The following EML6 variants were observed in gnomAD, a reference collection of about 807,000 sequenced individuals.
The protein encoded by EML6 is EMAP like 6.
A neutral mutation model predicts 240.1 loss-of-function variants in EML6; 154 were observed. The observed-to-expected ratio is 0.64, with a 90% CI of 0.56 to 0.73. The LOEUF (loss-of-function observed/expected upper bound fraction) is 0.73, where lower values mean the gene tolerates loss of function less well. Ranked by LOEUF, EML6 falls within the 30% of genes least tolerant of loss-of-function variation. The pLI, the probability that EML6 is intolerant of heterozygous loss-of-function variation, is 0.00. For missense variants in EML6, 2,964 were observed against 2,474.6 expected, an observed-to-expected ratio of 1.20 and a Z score of -4.20; for synonymous variants, 1,148 against 899.0, an observed-to-expected ratio of 1.28 and a Z score of -4.95.
intron 2 of EML6, among the ~76,000 whole-genome samples, chr2:54,753,573 G>T (rs1684266888): frequency 6.6e-6 from 1 of 151,862 alleles, no homozygotes; most frequent in South Asian, 2.1e-4. Context: ...TGCTAGCCAA[G>T]AAATGTGGGC....
rs74355273 is a variant in EML6, at chr2:54,879,542, T to C, written c.2345-5T>C. The C allele has an allele frequency of 6.5e-7, 1 of 1,547,274 alleles. No individual in the cohort carries two copies. Among genetic ancestry groups the C allele is most frequent in the Non-Finnish European group, 8.7e-7 (1 of 1,143,110 alleles). Reference sequence around the variant, plus strand: ...AATTTTGACATTTGTGTTGTTTTCATACAGCCGATGGAAAATGTCTGGTGT... The same window carrying C: ...AATTTTGACATTTGTGTTGTTTTCACACAGCCGATGGAAAATGTCTGGTGT... On this transcript the variant is annotated splice_region_variant and splice_polypyrimidine_tract_variant and intron_variant, in intron 16 of 41. Transcript: ENST00000356458.
chr2:54,762,633 C>A (rs887567212), intron 2 of EML6, among the ~76,000 whole-genome samples: 4 of 152,074 alleles, frequency 2.6e-5, no homozygotes, highest in Admixed American at 2.6e-4. Context: ...GTGCTTCCTG[C>A]CCTTATTTAT....
chr2:54,752,336 T>C (rs539177972), intron 2 of EML6, among the ~76,000 whole-genome samples: 1 of 152,164 alleles, frequency 6.6e-6, no homozygotes, highest in Non-Finnish European at 1.5e-5. Context: ...TATAAAAAAG[T>C]ATAAAAATTA....
chr2:54,893,769 T>C (rs948652525), intron 19 of EML6, among the ~76,000 whole-genome samples: 5 of 152,234 alleles, frequency 3.3e-5, no homozygotes, highest in Non-Finnish European at 7.3e-5. Context: ...GCAAATGTGT[T>C]GATTCTACTA....
chr2:54,932,494 G>A (rs1025605989), intron 28 of EML6, among the ~76,000 whole-genome samples: 6 of 152,034 alleles, frequency 3.9e-5, no homozygotes, highest in Admixed American at 6.6e-5. Context: ...CACCTCTCAA[G>A]TGCCACGCCC....
rs573447175 is a variant in EML6, at chr2:54,959,360, C to T, written c.4853+99C>T. 3.3e-4 allele frequency: 396 copies of T among 1,184,162 alleles called. 3 individuals are homozygous for T. The highest frequency in any genetic ancestry group is 2.7e-3 in the South Asian group (169 of 61,660). The allele number at this position is 1,184,162 out of a possible 1,614,324, so 73.4% of individuals were successfully genotyped here. A position where few individuals can be genotyped will look rare whatever the true frequency, so the allele number is the denominator to read the frequency against. ...ACTTGGAGAAAATGCAGACTGTCAT[C>T]CTCCTATCTTTTTTGCATTAGGAAG... On this transcript the variant is annotated intron_variant, in intron 34 of 41. Coordinates refer to ENST00000356458, the MANE Select transcript of EML6 (RefSeq NM_001039753.4).
At chr2:54,874,306 A>G (rs1033230700) in intron 16 of EML6, among the ~76,000 whole-genome samples, 5 of 152,246 alleles carry the variant, frequency 3.3e-5, no homozygotes, top group Admixed American at 1.3e-4. Flanking sequence ...CCCATAAGGC[A>G]GCCCTTCAGA....
chr2:54,891,216 A>G (rs1026936605), intron 18 of EML6, 62 bp downstream of exon 18: 47 of 820,932 alleles, frequency 5.7e-5, no homozygotes, highest in Non-Finnish European at 5.0e-5. Flanking sequence ...GGAAAGAAAA[A>G]CAAAACAAAC....
intron 28 of EML6, among the ~76,000 whole-genome samples, chr2:54,936,655 A>G (rs1452727224): frequency 6.6e-6 from 1 of 152,172 alleles, no homozygotes; most frequent in African/African-American, 2.4e-5. Flanking sequence ...TATTTTTTTC[A>G]AGGTCCTTTA....
intron 13 of EML6, among the ~76,000 whole-genome samples, chr2:54,865,885 A>G (rs1002944458): frequency 2.6e-5 from 4 of 152,234 alleles, no homozygotes; most frequent in African/African-American, 9.6e-5. Context: ...CACAGAGGTT[A>G]TGAGACCCAT....
At chr2:54,761,209 T>G (rs1294063604) in intron 2 of EML6, among the ~76,000 whole-genome samples, 1 of 152,132 alleles carries the variant, frequency 6.6e-6, no homozygotes, top group African/African-American at 2.4e-5. Flanking sequence ...GTCATAGTAC[T>G]CCCAGTTTGT....
intron 25 of EML6, among the ~76,000 whole-genome samples, chr2:54,913,282 G>A (rs1429157858): frequency 6.7e-6 from 1 of 149,468 alleles, no homozygotes; most frequent in Non-Finnish European, 1.5e-5. Context: ...GGGTCTTGCT[G>A]TATCACCCAG....
At chr2:54,820,321 A>G in intron 4 of EML6, 73 bp from the exon 5 acceptor site, 1 of 824,318 alleles carries the variant, frequency 1.2e-6, no homozygotes. Flanking sequence ...GAGTCTTGGC[A>G]ATTGGACTAG....
At chr2:54,786,358 C>T (rs1306876278) in intron 2 of EML6, among the ~76,000 whole-genome samples, 1 of 152,152 alleles carries the variant, frequency 6.6e-6, no homozygotes, top group Non-Finnish European at 1.5e-5. Context: ...TGACAGCAAA[C>T]AATCTAGGTA....
chr2:54,892,531 C>A lies in EML6; in HGVS notation c.2617C>A (p.Arg873=), dbSNP rs1014447423. The stretch of plus-strand genomic sequence containing the variant: ...AACAATGATGTGTGTTTCTTACGGA[C>A]GAATGGAAGATCTAGTGTTCTCAGG... The part of the protein sequence containing the change: ...LETMMCVSYG[R]MEDLVFSGAA... The change falls in exon 19 of 42, where the codon CGA becomes AGA. Residue 873 remains arginine (R), a synonymous_variant. Transcript: ENST00000356458. 1.3e-6 allele frequency: 2 copies of A among 1,551,034 alleles called. No individual in the cohort carries two copies. Among genetic ancestry groups the A allele is most frequent in the African/African-American group, 1.4e-5 (1 of 72,956 alleles).
chr2:54,883,017 C>T (rs572160545), intron 17 of EML6: 1 of 151,770 alleles, frequency 6.6e-6, no homozygotes, highest in Non-Finnish European at 1.5e-5. Context: ...GAGTCTCCCG[C>T]ATACCATATG....
intron 13 of EML6, among the ~76,000 whole-genome samples, chr2:54,864,762 C>A (rs1033989241): frequency 6.6e-6 from 1 of 152,220 alleles, no homozygotes; most frequent in African/African-American, 2.4e-5. Flanking sequence ...ACAATGCTTA[C>A]CTAGGCTTAT....
rs1200163281 is a variant in EML6 at position 54,971,165 on chromosome 2, T to TA, written c.*1077dup. On this transcript the variant is annotated 3_prime_UTR_variant, in exon 42 of 42. Transcript: ENST00000356458. ...AACTATATAGGTCAAGTCCAGATTA[T>TA]AAAAAAATTATCTGCAGAACAAATT... 6.6e-6 allele frequency: 1 copy of TA among 152,172 alleles called. No homozygotes were observed. Among genetic ancestry groups the TA allele is most frequent in the Non-Finnish European group, 1.5e-5 (1 of 68,022 alleles). The allele number at this position is 152,172 out of a possible 1,614,324, so 9.4% of individuals were successfully genotyped here.
chr2:54,952,537 T>A, intron 30 of EML6, 57 bp from the exon 31 acceptor site: 1 of 1,082,706 alleles, frequency 9.2e-7, no homozygotes, highest in African/African-American at 1.6e-5. Context: ...GTTTTGAAGT[T>A]GCCCTAAAAG....
Sources: allele counts gnomAD v4.1 joint callset (sites outside exome capture counted in the v4.1 genomes callset), GRCh38; gene constraint gnomAD v4.1.1; transcripts MANE v1.5; gene names NCBI Gene and HGNC (gene_info 2026-07-23, HGNC 2026-07-21).